Variants in ZNF451 observed in about 807,000 individuals in gnomAD.
The protein encoded by ZNF451 is zinc finger protein 451.
Under a neutral mutation model 107.1 loss-of-function variants are expected in ZNF451, and 80 were observed. The ratio of observed to expected loss-of-function variants is 0.75; its 90% CI spans 0.62 to 0.90. The LOEUF (loss-of-function observed/expected upper bound fraction) is 0.90. Among genes scored for constraint, ZNF451 ranks in the 40% least tolerant of loss-of-function variants. The pLI, the probability that ZNF451 is intolerant of heterozygous loss-of-function variation, is 0.00. For synonymous variants in ZNF451, 362 were observed against 406.5 expected, an observed-to-expected ratio of 0.89 and a Z score of 1.32; for missense variants, 1,107 against 1,236.2, an observed-to-expected ratio of 0.90 and a Z score of 1.57.
At chr6:57,101,005 C>A (rs1372071210) in intron 3 of ZNF451, 3 of 1,550,646 alleles carry the variant, frequency 1.9e-6, no homozygotes, top group Non-Finnish European at 2.6e-6. Flanking sequence ...CCGAGTGATA[C>A]GTGATCTGCA....
chr6:57,163,436 C>CTTTTTTTTTTTTTTTTTTTTT lies in ZNF451; in HGVS notation c.3139+2296_3139+2316dup, dbSNP rs398001706. ...AATGGTTGCTTGTTAAATGAATAAACTTTTTTTTTTTTTTTTTTTTTTTTT... is the reference window on the plus strand; with the variant it reads ...AATGGTTGCTTGTTAAATGAATAAACTTTTTTTTTTTTTTTTTTTTTTTTTTTTTTTTTTTTTTTTTTTTTT... On this transcript the variant is annotated intron_variant, in intron 14 of 14. Transcript: ENST00000370706. 6.9e-4 allele frequency among the ~76,000 whole-genome samples: 21 copies of CTTTTTTTTTTTTTTTTTTTTT among 30,338 alleles called. 9 individuals carry two copies. Among genetic ancestry groups the CTTTTTTTTTTTTTTTTTTTTT allele is most frequent in the East Asian group, 2.7e-3 (3 of 1,126 alleles). 19.9% of individuals were successfully genotyped at this position (30,338 alleles called of 152,430 possible). A position where few individuals can be genotyped will look rare whatever the true frequency, so the allele number is the denominator to read the frequency against.
At chr6:57,153,268 A>G (rs1463859276) in intron 12 of ZNF451, among the ~76,000 whole-genome samples, 1 of 152,054 alleles carries the variant, frequency 6.6e-6, no homozygotes, top group Non-Finnish European at 1.5e-5. Flanking sequence ...TGGCATTTCA[A>G]CCTTATGTGA....
chr6:57,159,530 T>G (rs1322858745), intron 13 of ZNF451: 5 of 354,134 alleles, frequency 1.4e-5, no homozygotes, highest in Non-Finnish European at 1.2e-5. Context: ...TAAGAGTTTT[T>G]TTTTTTTTTT....
intron 5 of ZNF451, among the ~76,000 whole-genome samples, chr6:57,132,331 A>C (rs568136750): frequency 6.6e-6 from 1 of 152,192 alleles, no homozygotes; most frequent in Non-Finnish European, 1.5e-5. Flanking sequence ...CCCCAGTTAC[A>C]TTGTGTAATA....
At chr6:57,114,669 G>A (rs1830278185) in intron 3 of ZNF451, among the ~76,000 whole-genome samples, 3 of 152,030 alleles carry the variant, frequency 2.0e-5, no homozygotes, top group Admixed American at 1.3e-4. Flanking sequence ...CTATATTTTT[G>A]TAGGATATAT....
chr6:57,167,794 G>A (rs183621079), intron 14 of ZNF451, among the ~76,000 whole-genome samples: 3 of 152,262 alleles, frequency 2.0e-5, no homozygotes, highest in African/African-American at 4.8e-5. Flanking sequence ...ACCCAATAAC[G>A]TCTGTCTTGT....
At chr6:57,143,623 A>G (rs1027130244) in intron 9 of ZNF451, among the ~76,000 whole-genome samples, 2 of 152,172 alleles carry the variant, frequency 1.3e-5, no homozygotes, top group African/African-American at 4.8e-5. Context: ...TTTCATTTTT[A>G]TTCAGTTAAA....
chr6:57,154,136 C>CAACA (rs762052923), intron 13 of ZNF451, 89 bp downstream of exon 13: 2 of 1,258,522 alleles, frequency 1.6e-6, no homozygotes, highest in East Asian at 2.3e-5. Context: ...CGCTAGTGAA[C>CAACA]TGTTGCCTGC....
At chr6:57,159,081 G>A in intron 13 of ZNF451, 1 of 985,364 alleles carries the variant, frequency 1.0e-6, no homozygotes. Flanking sequence ...GAAAACTATA[G>A]GTTGTTTCTT....
At chr6:57,090,350 C>T in intron 1 of ZNF451, 76 bp downstream of exon 1, 13 of 1,581,716 alleles carry the variant, frequency 8.2e-6, no homozygotes, top group South Asian at 1.2e-5. Flanking sequence ...GGTCTGAGGC[C>T]TGGTGCTCCG....
chr6:57,152,140 A>G (rs1259801338), intron 11 of ZNF451, 81 bp from the exon 12 acceptor site: 1 of 1,448,076 alleles, frequency 6.9e-7, no homozygotes, highest in Non-Finnish European at 9.2e-7. Flanking sequence ...ATTTTTTTCT[A>G]GTATGTGTTT....
intron 12 of ZNF451, 68 bp from the exon 13 acceptor site, chr6:57,153,790 TGAA>T (rs776457031): frequency 7.3e-5 from 109 of 1,493,436 alleles, no homozygotes; most frequent in Admixed American, 2.9e-4. Context: ...GTGTTCATTC[TGAA>T]ATAGATGTAA....
In ZNF451 at chr6:57,159,838, A is replaced by G. The variant is rs1000248471; in HGVS notation, c.3071-1246A>G. On this transcript the variant is annotated intron_variant, in intron 13 of 14. Coordinates refer to ENST00000370706, the MANE Select transcript of ZNF451 (RefSeq NM_001031623.3). ...ATTTAATTTTTATTTATAGACCCCT[A>G]AAGGGCTTTTTAATGTATATTTTAA... Among the ~76,000 whole-genome samples, 5 of 152,254 alleles carry G rather than the reference A, an allele frequency of 3.3e-5. No homozygotes were observed. The East Asian group carries it at 9.6e-4, about 29-fold the overall frequency.
At chr6:57,105,492 ATC>A in intron 3 of ZNF451, 1 of 985,302 alleles carries the variant, frequency 1.0e-6, no homozygotes. Flanking sequence ...CTTGTAGTTT[ATC>A]ATTTGTACAA....
At chr6:57,102,944 C>T (rs1829675433) in intron 3 of ZNF451, 2 of 985,294 alleles carry the variant, frequency 2.0e-6, no homozygotes, top group South Asian at 9.4e-5. Flanking sequence ...TCGTATCAAG[C>T]TGTAAGACTG....
Position 57,148,413 on chromosome 6 carries a change from CAAAG to C in ZNF451, c.2332_2335del (p.Glu778ArgfsTer10). 1 of 1,613,814 alleles carries C rather than the reference CAAAG, an allele frequency of 6.2e-7. No individual in the cohort carries two copies. The highest frequency in any genetic ancestry group is 8.5e-7 in the Non-Finnish European group (1 of 1,179,860). ...TGAACACTCATATCCATCAAGTGCA[CAAAG>C]AAAAGAGTGATGAGGAGGAGCAGCA... On this transcript the variant is annotated frameshift_variant, in exon 10 of 15. Transcript: ENST00000370706. LOFTEE classifies it high-confidence loss of function.
chr6:57,163,042 T>G (rs1763738863), intron 14 of ZNF451, among the ~76,000 whole-genome samples: 1 of 152,166 alleles, frequency 6.6e-6, no homozygotes, highest in African/African-American at 2.4e-5. Flanking sequence ...ATAAAATAAA[T>G]GTGAGAAGCA....
chr6:57,109,533 C>T, intron 3 of ZNF451: 1 of 985,364 alleles, frequency 1.0e-6, no homozygotes, highest in Non-Finnish European at 1.2e-6. Context: ...TGTGCTGTTT[C>T]TATTCATATT....
Position 57,147,536 on chromosome 6 carries a change from A to T in ZNF451, c.1451A>T (p.Asp484Val), listed in dbSNP as rs748953620. ...CECNQRFPSE[D>V]AVEKHVFSAN... Reference sequence around the variant, plus strand: ...TGCAATCAGCGATTCCCAAGTGAAGATGCAGTAGAAAAGCATGTTTTCTCA... The same window carrying T: ...TGCAATCAGCGATTCCCAAGTGAAGTTGCAGTAGAAAAGCATGTTTTCTCA... Residue 484 changes from aspartate (D) to valine (V), a missense_variant, in exon 10 of 15, where the codon GAT becomes GTT. By Grantham distance (152) the Asp-to-Val change is radical. Coordinates refer to ENST00000370706, the MANE Select transcript of ZNF451 (RefSeq NM_001031623.3). The T allele has an allele frequency of 6.2e-7, 1 of 1,614,178 alleles. No homozygotes were observed. Among genetic ancestry groups the T allele is most frequent in the East Asian group, 2.2e-5 (1 of 44,886 alleles).
Sources: allele counts gnomAD v4.1 joint callset (sites outside exome capture counted in the v4.1 genomes callset), GRCh38; gene constraint gnomAD v4.1.1; transcripts MANE v1.5; gene names NCBI Gene and HGNC (gene_info 2026-07-23, HGNC 2026-07-21).